Variants in WDR81 observed in about 807,000 individuals in gnomAD.
WDR81 encodes WD repeat domain 81.
In WDR81, 92 loss-of-function variants were observed where a neutral mutation model predicts 140.8. That is an observed-to-expected ratio of 0.65 (90% CI 0.55 to 0.78). The LOEUF is 0.78. Among genes scored for constraint, WDR81 ranks in the 30% least tolerant of loss-of-function variants. WDR81 has a pLI of 0.00. For missense variants in WDR81, 2,502 were observed against 2,636.4 expected (o/e 0.95, Z 1.12); for synonymous variants, 1,183 against 1,156.4 (o/e 1.02, Z -0.47).
Position 1,728,212 on chromosome 17 carries a change from T to C in WDR81, c.3253T>C (p.Phe1085Leu). The C allele has an allele frequency of 6.2e-7, 1 of 1,605,452 alleles. No homozygotes were observed. Among genetic ancestry groups the C allele is most frequent in the Non-Finnish European group, 8.5e-7 (1 of 1,174,278 alleles). ...DQADLPETEDFQAGLYVTESP... is the reference protein window; with the variant it reads ...DQADLPETEDLQAGLYVTESP... ...GGCTGACCTCCCTGAGACAGAGGAC[T>C]TCCAAGCCGGGCTCTATGTGACTGA... Residue 1085 changes from phenylalanine to leucine, a missense_variant, in exon 1 of 10, where the codon TTC becomes CTC. Physicochemically the swap from Phe to Leu is conservative, Grantham distance 22 (BLOSUM62 0). Coordinates refer to ENST00000409644, the MANE Select transcript of WDR81 (RefSeq NM_001163809.2).
rs764761467 is a variant in WDR81, at chr17:1,727,789, T to C, written c.2830T>C (p.Tyr944His). The C allele has an allele frequency of 9.7e-6, 15 of 1,550,592 alleles. No individual in the cohort carries two copies. In the South Asian group the frequency reaches 1.2e-4, roughly 12 times the overall value. ...GCACACAGCTGTGTACACGGCCTGGTATCTGTTTGAGCCTGTTGCCAAGGC... is the reference window on the plus strand; with the variant it reads ...GCACACAGCTGTGTACACGGCCTGGCATCTGTTTGAGCCTGTTGCCAAGGC... ...EEHTAVYTAW[Y>H]LFEPVAKALG... is the part of the protein sequence containing the mutation. Residue 944 changes from tyrosine (Y) to histidine (H), a missense_variant, in exon 1 of 10, where the codon TAT becomes CAT. Physicochemically the swap from Tyr to His is moderately conservative, Grantham distance 83 (BLOSUM62 2). Around this residue, in one of 3 missense-constraint regions of WDR81, gnomAD observed 1,737 missense variants for 1,843.0 expected, o/e 0.94. Transcript: ENST00000409644.
rs1443213694 is a variant in WDR81 at position 1,734,663 on chromosome 17, C to T, written c.5179+447C>T. ...GCGTGGTGGCGGGTGCCTGTACTCCCAACTACACAGGAGGCTGAGGCAGGA... is the reference window on the plus strand; with the variant it reads ...GCGTGGTGGCGGGTGCCTGTACTCCTAACTACACAGGAGGCTGAGGCAGGA... On this transcript the variant is annotated intron_variant, in intron 7 of 9. Coordinates refer to ENST00000409644, the MANE Select transcript of WDR81 (RefSeq NM_001163809.2). Among the ~76,000 whole-genome samples, 3 of 151,858 alleles carry T rather than the reference C, an allele frequency of 2.0e-5. No homozygotes were observed. In the East Asian group the frequency reaches 5.8e-4, roughly 29 times the overall value.
chr17:1,735,019 G>A lies in WDR81; in HGVS notation c.5180-553G>A, dbSNP rs1432066701. On this transcript the variant is annotated intron_variant, in intron 7 of 9. Transcript: ENST00000409644. The surrounding 1 kb of genome is among the most constrained non-coding windows in gnomAD (Gnocchi z 4.2). ...GGGCCATGGAAGCAGGAAGGTGGGA[G>A]AGTCAAGAAACATCTTTAGGCCGAT... Among the ~76,000 whole-genome samples, 1 of 152,082 alleles carries A rather than the reference G, an allele frequency of 6.6e-6. No individual in the cohort carries two copies. The highest frequency in any genetic ancestry group is 1.5e-5 in the Non-Finnish European group (1 of 68,020).
chr17:1,733,684 C>A lies in WDR81; in HGVS notation c.4647C>A (p.Cys1549Ter). 6.2e-7 allele frequency: 1 copy of A among 1,611,900 alleles called. No homozygotes were observed. The highest frequency in any genetic ancestry group is 8.5e-7 in the Non-Finnish European group (1 of 1,179,466). ...GPEWDPHGGG[C>*]PQDDGHSGTF... ...AGTGGGACCCCCATGGTGGGGGCTGCCCTCAGGATGACGGCCACTCAGGGA... is the reference window on the plus strand; with the variant it reads ...AGTGGGACCCCCATGGTGGGGGCTGACCTCAGGATGACGGCCACTCAGGGA... The change falls in exon 7 of 10, where the codon TGC (cysteine) becomes TGA (stop). Residue 1549 changes from cysteine to a stop codon, truncating the protein, a stop_gained. Transcript: ENST00000409644. LOFTEE classifies it high-confidence loss of function.
intron 9 of WDR81, 138 bp downstream of exon 9, chr17:1,736,356 G>A: frequency 8.9e-7 from 1 of 1,124,170 alleles, no homozygotes; most frequent in African/African-American, 1.6e-5. Flanking sequence ...TAACTGGGCA[G>A]GGAGGGTAGC....
chr17:1,722,277 C>T (rs1411999925), upstream of WDR81, among the ~76,000 whole-genome samples: 2 of 152,024 alleles, frequency 1.3e-5, no homozygotes, highest in Non-Finnish European at 2.9e-5. Flanking sequence ...ATGAGAGGCT[C>T]CAGCTACCCT....
Position 1,732,489 on chromosome 17 carries a change from A to T in WDR81, c.4322A>T (p.Gln1441Leu), listed in dbSNP as rs1597299059. Residue 1441 changes from glutamine (Q) to leucine (L), a missense_variant and splice_region_variant, in exon 5 of 10, where the codon CAG (glutamine) becomes CTG (leucine). Coordinates refer to ENST00000409644, the MANE Select transcript of WDR81 (RefSeq NM_001163809.2). ...TCTCAGCTGCATGAGCTTCGGCAAC[A>T]GGTGGGCAGATCTGCTGGGCCAGGG... ...VFSQLHELRQ[Q>L]DLKLDPAGRG... 7.2e-7 allele frequency: 1 copy of T among 1,394,176 alleles called. No individual in the cohort carries two copies. The highest frequency in any genetic ancestry group is 3.5e-5 in the East Asian group (1 of 28,488). 86.4% of individuals were successfully genotyped at this position (1,394,176 alleles called of 1,614,324 possible). A position where few individuals can be genotyped will look rare whatever the true frequency, so the allele number is the denominator to read the frequency against.
chr17:1,733,605 C>T lies in WDR81; in HGVS notation c.4568C>T (p.Pro1523Leu), dbSNP rs1904562853. ...LAALYLESISPSSRNPASVEP... is the reference protein window; with the variant it reads ...LAALYLESISLSSRNPASVEP... Reference sequence around the variant, plus strand: ...GCGCTGTACTTGGAGAGCATCAGCCCCAGCAGTCGCAACCCTGCCAGCGTG... The same window carrying T: ...GCGCTGTACTTGGAGAGCATCAGCCTCAGCAGTCGCAACCCTGCCAGCGTG... Residue 1523 changes from proline to leucine, a missense_variant, in exon 7 of 10, where the codon CCC becomes CTC. Coordinates refer to ENST00000409644, the MANE Select transcript of WDR81 (RefSeq NM_001163809.2). 1.9e-6 allele frequency: 3 copies of T among 1,576,818 alleles called. No individual in the cohort carries two copies. Among genetic ancestry groups the T allele is most frequent in the Non-Finnish European group, 2.6e-6 (3 of 1,161,462 alleles).
upstream of WDR81, among the ~76,000 whole-genome samples, chr17:1,721,535 A>C (rs1004343321): frequency 6.6e-6 from 1 of 151,492 alleles, no homozygotes. Flanking sequence ...AATAAATAAA[A>C]AATCACTCGG....
chr17:1,724,464 G>A (rs934045292), upstream of WDR81: 33 of 984,862 alleles, frequency 3.4e-5, no homozygotes, highest in Non-Finnish European at 4.0e-5. Flanking sequence ...GGACCCGCGC[G>A]CTGGTGCGTG....
Position 1,727,300 on chromosome 17 carries a change from A to ATGG in WDR81, c.2344_2346dup (p.Val782dup). ...GGCGCTGGGTGTCCTATTGGCAGAG[A>ATGG]TGGTGTTTGCCACCAGGGTGCGGAC... On this transcript the variant is annotated inframe_insertion, in exon 1 of 10. Transcript: ENST00000409644. 1.3e-6 allele frequency: 2 copies of ATGG among 1,550,052 alleles called. No homozygotes were observed. Among genetic ancestry groups the ATGG allele is most frequent in the Non-Finnish European group, 1.7e-6 (2 of 1,146,974 alleles).
chr17:1,730,579 C>T, intron 2 of WDR81, 92 bp downstream of exon 2: 1 of 1,436,298 alleles, frequency 7.0e-7, no homozygotes, highest in Non-Finnish European at 9.4e-7. Flanking sequence ...CCTTCCCACC[C>T]CTCCCTCAAA....
At position 1,737,390 on chromosome 17, in the gene WDR81, G is replaced by T; in HGVS notation, c.5531G>T (p.Ser1844Ile). 6.2e-7 allele frequency: 1 copy of T among 1,612,092 alleles called. No homozygotes were observed. Among genetic ancestry groups the T allele is most frequent in the Non-Finnish European group, 8.5e-7 (1 of 1,179,582 alleles). The part of the protein sequence containing the change: ...IKAVEGSVLV[S>I]SSSDHSLTVW... ...GCGGTGGAGGGCAGCGTCCTGGTCA[G>T]CTCCTCCTCTGACCATTCCTTGACC... Residue 1844 changes from serine (S) to isoleucine (I), a missense_variant, in exon 10 of 10, where the codon AGC (serine) becomes ATC (isoleucine). Transcript: ENST00000409644.
chr17:1,728,249 C>T lies in WDR81; in HGVS notation c.3290C>T (p.Pro1097Leu), dbSNP rs1230182463. 6.2e-7 allele frequency: 1 copy of T among 1,611,500 alleles called. No homozygotes were observed. The highest frequency in any genetic ancestry group is 8.5e-7 in the Non-Finnish European group (1 of 1,179,206). The change falls in exon 1 of 10, where the codon CCC (proline) becomes CTC (leucine). Residue 1097 changes from proline (P) to leucine (L), a missense_variant. This residue lies in a region of WDR81 where 1,737 missense variants were observed against 1,843.0 expected (regional missense o/e 0.94). Coordinates refer to ENST00000409644, the MANE Select transcript of WDR81 (RefSeq NM_001163809.2). ...CTCTATGTGACTGAGTCTCCCCAGCCCCAGGAGGCTGAGGCTGTGAGCCTG... is the reference window on the plus strand; with the variant it reads ...CTCTATGTGACTGAGTCTCCCCAGCTCCAGGAGGCTGAGGCTGTGAGCCTG... ...AGLYVTESPQ[P>L]QEAEAVSLGR...
chr17:1,732,234 C>A, intron 4 of WDR81, 91 bp from the exon 5 acceptor site: 1 of 1,514,428 alleles, frequency 6.6e-7, no homozygotes, highest in East Asian at 2.4e-5. Context: ...AAGACTCCAT[C>A]TCAATAAAAA....
At position 1,727,803 on chromosome 17, in the gene WDR81, T is replaced by A. The variant is rs1452582885; in HGVS notation, c.2844T>A (p.Pro948=). 1 of 1,550,682 alleles carries A rather than the reference T, an allele frequency of 6.4e-7. No individual in the cohort carries two copies. The change falls in exon 1 of 10, where the codon CCT becomes CCA. Residue 948 remains proline (P), a synonymous_variant. Coordinates refer to ENST00000409644, the MANE Select transcript of WDR81 (RefSeq NM_001163809.2). Reference sequence around the variant, plus strand: ...ACACGGCCTGGTATCTGTTTGAGCCTGTTGCCAAGGCACTGGGCCCCAAAA... The same window carrying A: ...ACACGGCCTGGTATCTGTTTGAGCCAGTTGCCAAGGCACTGGGCCCCAAAA... The part of the protein sequence containing the change: ...AVYTAWYLFE[P]VAKALGPKNA...
chr17:1,723,463 TTATTTATTTATTTA>T (rs1567715980), upstream of WDR81, among the ~76,000 whole-genome samples: 2 of 109,982 alleles, frequency 1.8e-5, no homozygotes, highest in African/African-American at 7.4e-5. Flanking sequence ...TTATTTTTAT[TTATTTATTTATTTA>T]TTTATTTATT....
In WDR81 at chr17:1,728,394, C is replaced by T; in HGVS notation, c.3435C>T (p.Asp1145=). The T allele has an allele frequency of 6.2e-7, 1 of 1,612,838 alleles. No individual in the cohort carries two copies. Among genetic ancestry groups the T allele is most frequent in the Non-Finnish European group, 8.5e-7 (1 of 1,179,888 alleles). Residue 1145 remains aspartate, a synonymous_variant, in exon 1 of 10, where the codon GAC becomes GAT. Coordinates refer to ENST00000409644, the MANE Select transcript of WDR81 (RefSeq NM_001163809.2). ...SSLRSGDSSQ[D]LKQSEGSEEE... is the part of the protein sequence containing the mutation. ...TTCGATCAGGTGACAGCAGCCAGGA[C>T]TTGAAGCAAAGCGAGGGCTCCGAGG... is the stretch of plus-strand genomic sequence containing the variant.
Position 1,724,880 on chromosome 17 carries a change from G to T in WDR81, c.-80G>T. On this transcript the variant is annotated 5_prime_UTR_variant, in exon 1 of 10. Coordinates refer to ENST00000409644, the MANE Select transcript of WDR81 (RefSeq NM_001163809.2). The stretch of plus-strand genomic sequence containing the variant: ...GTCCCGCGCCCATCCCAGCCCCGCC[G>T]GCCTGGCACCCCGGAAGCCGTCGCC... 7.9e-7 allele frequency: 1 copy of T among 1,264,004 alleles called. No individual in the cohort carries two copies. Among genetic ancestry groups the T allele is most frequent in the Non-Finnish European group, 9.9e-7 (1 of 1,006,798 alleles). 78.3% of individuals were successfully genotyped at this position (1,264,004 alleles called of 1,614,324 possible). A position where few individuals can be genotyped will look rare whatever the true frequency, so the allele number is the denominator to read the frequency against.
Sources: gnomAD v4.1 joint callset for allele counts (sites outside exome capture counted in the v4.1 genomes callset) on GRCh38, gnomAD v4.1.1 for gene constraint, gnomAD v4.1.1 regional missense constraint, Gnocchi (gnomAD v3.1) non-coding constraint, MANE v1.5 for transcripts, NCBI Gene and HGNC (gene_info 2026-07-23, HGNC 2026-07-21) for gene names.